The following CNTFR variants were observed in gnomAD, a reference collection of about 807,000 sequenced individuals.
CNTFR encodes the protein ciliary neurotrophic factor receptor, also known as ciliary neurotrophic factor receptor subunit alpha.
CNTFR carries 12 observed loss-of-function variants against 40.4 expected under a neutral mutation model. The ratio of observed to expected loss-of-function variants is 0.30; its 90% CI spans 0.19 to 0.48. CNTFR has a LOEUF of 0.48. Ranked by LOEUF, CNTFR falls within the 20% of genes least tolerant of loss-of-function variation. CNTFR has a pLI of 0.99. For missense variants in CNTFR, 414 were observed against 506.8 expected, an observed-to-expected ratio of 0.82 and a Z score of 1.76; for synonymous variants, 202 against 209.6, an observed-to-expected ratio of 0.96 and a Z score of 0.31.
At chr9:34,567,601 CCAGGGACA>C (rs1826367385) in intron 3 of CNTFR, among the ~76,000 whole-genome samples, 2 of 151,740 alleles carry the variant, frequency 1.3e-5, no homozygotes, top group South Asian at 4.2e-4. Context: ...GCAGTTATGC[CCAGGGACA>C]CAGGGAGACA....
chr9:34,570,337 G>A (rs963376249), intron 2 of CNTFR, among the ~76,000 whole-genome samples: 3 of 152,172 alleles, frequency 2.0e-5, no homozygotes, highest in Non-Finnish European at 4.4e-5. Context: ...AGAGAACAGC[G>A]ACACAATCAA....
chr9:34,560,150 C>T (rs1194809059), intron 4 of CNTFR, among the ~76,000 whole-genome samples: 1 of 152,174 alleles, frequency 6.6e-6, no homozygotes, highest in Non-Finnish European at 1.5e-5. Context: ...TGACTTGCTG[C>T]AGCTGGAGCC....
rs376688767 is a variant in CNTFR at position 34,568,930 on chromosome 9, C to T, written c.52G>A (p.Ala18Thr). Residue 18 changes from alanine to threonine, a missense_variant, in exon 3 of 10, where the codon GCA becomes ACA. Ala to Thr is a moderately conservative substitution (Grantham distance 58). This residue lies in a region of CNTFR where 250 missense variants were observed against 269.5 expected (regional missense o/e 0.93). Transcript: ENST00000378980. Reference protein sequence around the residue: ...ACCAVLAAAAAVVYAQRHSPQ... With the variant: ...ACCAVLAAAATVVYAQRHSPQ... ...CTGTGTCTCTGGGCGTAGACAACTG[C>T]GGCGGCGGCGGCAAGCACAGCACAG... 51 of 1,597,072 alleles carry T rather than the reference C, an allele frequency of 3.2e-5. No homozygotes were observed. Among genetic ancestry groups the T allele is most frequent in the Admixed American group, 6.9e-5 (4 of 58,140 alleles).
At chr9:34,566,163 G>A (rs763043412) in intron 3 of CNTFR, among the ~76,000 whole-genome samples, 11 of 151,848 alleles carry the variant, frequency 7.2e-5, no homozygotes, top group Non-Finnish European at 1.6e-4. Context: ...TCCCATTGCA[G>A]CCCCCTCCTC....
chr9:34,555,765 C>T (rs1825807150), intron 7 of CNTFR, among the ~76,000 whole-genome samples: 1 of 152,100 alleles, frequency 6.6e-6, no homozygotes, highest in African/African-American at 2.4e-5. Flanking sequence ...CCCTTGAGGA[C>T]AGGCACGTTC....
chr9:34,551,820 G>T lies in CNTFR; in HGVS notation c.*251C>A. The T allele has an allele frequency of 1.6e-6, 1 of 630,422 alleles. No homozygotes were observed. Among genetic ancestry groups the T allele is most frequent in the Non-Finnish European group, 2.8e-6 (1 of 351,308 alleles). 39.1% of individuals were successfully genotyped at this position (630,422 alleles called of 1,614,324 possible). A position where few individuals can be genotyped will look rare whatever the true frequency, so the allele number is the denominator to read the frequency against. On this transcript the variant is annotated 3_prime_UTR_variant, in exon 10 of 10. Coordinates refer to ENST00000378980, the MANE Select transcript of CNTFR (RefSeq NM_147164.3). ...TGGAGGGTCCAGCCCAAGGGGCCAG[G>T]GTGAGGGGGTCTTTGGTGGGTGGGT...
chr9:34,557,294 G>A lies in CNTFR; in HGVS notation c.604+232C>T, dbSNP rs766066604. Among the ~76,000 whole-genome samples the A allele has an allele frequency of 3.9e-5, 6 of 152,178 alleles. No homozygotes were observed. Among genetic ancestry groups the A allele is most frequent in the Non-Finnish European group, 5.9e-5 (4 of 68,030 alleles). On this transcript the variant is annotated intron_variant, in intron 6 of 9. Transcript: ENST00000378980. The surrounding 1 kb of genome is among the most constrained non-coding windows in gnomAD (Gnocchi z 4.2). ...CTGGGAGCCAGAAAAATGATCGAAA[G>A]AGCTGCTGGACAGGTCTCTCGGCCC...
In CNTFR at chr9:34,552,989, A is replaced by G. The variant is rs1825700335; in HGVS notation, c.769-135T>C. 4 of 755,718 alleles carry G rather than the reference A, an allele frequency of 5.3e-6. No individual in the cohort carries two copies. Among genetic ancestry groups the G allele is most frequent in the Non-Finnish European group, 8.7e-6 (4 of 462,126 alleles). 46.8% of individuals were successfully genotyped at this position (755,718 alleles called of 1,614,324 possible). ...GGGGGCAGTGAGGACTTCCCTGAGG[A>G]GAAGGAGGACATGGAGAATATTCTT... On this transcript the variant is annotated intron_variant, in intron 7 of 9. Transcript: ENST00000378980. The surrounding 1 kb of genome is among the most constrained non-coding windows in gnomAD (Gnocchi z 5.1).
chr9:34,590,819 C>T (rs565331790), upstream of CNTFR, among the ~76,000 whole-genome samples: 13 of 152,330 alleles, frequency 8.5e-5, no homozygotes, highest in East Asian at 2.5e-3. Context: ...ACAACCTGAC[C>T]AACTTCTGAG....
intron 7 of CNTFR, among the ~76,000 whole-genome samples, chr9:34,554,785 T>A (rs1390352305): frequency 6.6e-6 from 1 of 152,168 alleles, no homozygotes; most frequent in Non-Finnish European, 1.5e-5. Context: ...TACACCTGCC[T>A]CTCCCCAAGG....
In CNTFR at chr9:34,564,865, C is replaced by T. The variant is rs375158370; in HGVS notation, c.86-33G>A. 2.0e-5 allele frequency: 32 copies of T among 1,594,622 alleles called. No homozygotes were observed. The African/African-American group carries it at 2.9e-4, about 15-fold the overall frequency. ...GGGTGGGGGCACAGGGCAAAAGTCACAGGTCACAGCCCGGCCCAGCACCCG... is the reference window on the plus strand; with the variant it reads ...GGGTGGGGGCACAGGGCAAAAGTCATAGGTCACAGCCCGGCCCAGCACCCG... On this transcript the variant is annotated intron_variant, in intron 3 of 9. Transcript: ENST00000378980.
In CNTFR at chr9:34,551,742, G is replaced by C. The variant is rs771360966; in HGVS notation, c.*329C>G. On this transcript the variant is annotated 3_prime_UTR_variant, in exon 10 of 10. Transcript: ENST00000378980. ...GAGGCTGGGGCAGGAGGAGAAATCG[G>C]ATGTGAGAGGCTCCCCTCACGTCCC... The C allele has an allele frequency of 1.9e-6, 1 of 537,788 alleles. No homozygotes were observed. The highest frequency in any genetic ancestry group is 1.9e-5 in the African/African-American group (1 of 52,386). The allele number at this position is 537,788 out of a possible 1,614,324, so 33.3% of individuals were successfully genotyped here.
intron 2 of CNTFR, chr9:34,569,801 G>A (rs1239374801): frequency 6.6e-6 from 1 of 152,204 alleles, no homozygotes; most frequent in African/African-American, 2.4e-5. Flanking sequence ...TGTGCCCCTA[G>A]GAGCCTGGGA....
chr9:34,558,493 C>T (rs1240755631), intron 4 of CNTFR, among the ~76,000 whole-genome samples: 1 of 152,208 alleles, frequency 6.6e-6, no homozygotes. Context: ...TACACAGGAA[C>T]AGCACTGGGC....
Position 34,589,229 on chromosome 9 carries a change from T to G in CNTFR, c.-112+326A>C, listed in dbSNP as rs1416120007. 6.6e-6 allele frequency among the ~76,000 whole-genome samples: 1 copy of G among 151,656 alleles called. No homozygotes were observed. Among genetic ancestry groups the G allele is most frequent in the Non-Finnish European group, 1.5e-5 (1 of 67,904 alleles). On this transcript the variant is annotated intron_variant, in intron 1 of 9. Coordinates refer to ENST00000378980, the MANE Select transcript of CNTFR (RefSeq NM_147164.3). This position sits in a 1 kb window ranked among gnomAD's most constrained non-coding sequence, Gnocchi z 4.4. Reference sequence around the variant, plus strand: ...TACGAACCTCCCCAAACCCAGGAATTTTTCCAGACCCCGCGCGTGCAGCTG... The same window carrying G: ...TACGAACCTCCCCAAACCCAGGAATGTTTCCAGACCCCGCGCGTGCAGCTG...
intron 7 of CNTFR, among the ~76,000 whole-genome samples, chr9:34,555,594 T>A (rs1452192831): frequency 6.6e-6 from 1 of 152,066 alleles, no homozygotes. Context: ...CCTTGTCCAC[T>A]GCTTGGTTCC....
chr9:34,555,772 G>A (rs965116037), intron 7 of CNTFR, among the ~76,000 whole-genome samples: 2 of 152,140 alleles, frequency 1.3e-5, no homozygotes, highest in African/African-American at 2.4e-5. Context: ...GGACAGGCAC[G>A]TTCCTGTCCC....
At chr9:34,587,795 G>A (rs1228598406) in intron 1 of CNTFR, among the ~76,000 whole-genome samples, 1 of 152,038 alleles carries the variant, frequency 6.6e-6, no homozygotes, top group East Asian at 1.9e-4. Context: ...TGAGATTCTG[G>A]GTGTGAGCTC....
chr9:34,578,979 C>A (rs188811552), intron 2 of CNTFR, among the ~76,000 whole-genome samples: 4 of 152,208 alleles, frequency 2.6e-5, no homozygotes, highest in African/African-American at 9.7e-5. Flanking sequence ...AGGGAGGGAC[C>A]AGGCTGCCCA....
Sources: gnomAD v4.1 joint callset for allele counts (sites outside exome capture counted in the v4.1 genomes callset) on GRCh38, gnomAD v4.1.1 for gene constraint, gnomAD v4.1.1 regional missense constraint, Gnocchi (gnomAD v3.1) non-coding constraint, MANE v1.5 for transcripts, NCBI Gene and HGNC (gene_info 2026-07-23, HGNC 2026-07-21) for gene names.